Variants in AKAP8 observed in about 807,000 individuals in gnomAD.
AKAP8 encodes the protein A-kinase anchor protein 8.
A neutral mutation model predicts 67.5 loss-of-function variants in AKAP8; 24 were observed. The ratio of observed to expected loss-of-function variants is 0.36; its 90% CI spans 0.26 to 0.50. The LOEUF is 0.50. AKAP8 is among the 20% of genes least tolerant of loss of function. The pLI, the probability that AKAP8 is intolerant of heterozygous loss-of-function variation, is 0.97. For missense variants in AKAP8, 971 were observed against 955.9 expected, an observed-to-expected ratio of 1.02 and a Z score of -0.21; for synonymous variants, 400 against 371.1, an observed-to-expected ratio of 1.08 and a Z score of -0.90.
chr19:15,370,430 C>T (rs975223145), intron 7 of AKAP8, among the ~76,000 whole-genome samples: 4 of 152,116 alleles, frequency 2.6e-5, no homozygotes, highest in Non-Finnish European at 5.9e-5. Flanking sequence ...CATTCACCCA[C>T]CCTCTCTCGG....
rs530106671 is a variant in AKAP8 at position 15,356,108 on chromosome 19, A to G, written c.1624-738T>C. On this transcript the variant is annotated intron_variant, in intron 13 of 13. Transcript: ENST00000269701. ...CAGCCTTAACTTGATGTTTTTTAAA[A>G]AAGGGCATGAGGCCGGGCGTGATGG... 8.5e-5 allele frequency among the ~76,000 whole-genome samples: 13 copies of G among 152,120 alleles called. No homozygotes were observed. In the South Asian group the frequency reaches 2.5e-3, roughly 29 times the overall value.
At chr19:15,377,062 A>G (rs1412768212) in intron 1 of AKAP8, 48 bp from the exon 2 acceptor site, 2 of 1,597,762 alleles carry the variant, frequency 1.3e-6, no homozygotes, top group Non-Finnish European at 1.7e-6. Flanking sequence ...ACACCAGAGA[A>G]CGGGTCCTTT....
chr19:15,357,328 C>G (rs1205409539), intron 13 of AKAP8, among the ~76,000 whole-genome samples: 1 of 140,920 alleles, frequency 7.1e-6, no homozygotes, highest in Non-Finnish European at 1.5e-5. Context: ...ACTCAGGAGG[C>G]TGAGGCAGGA....
At chr19:15,366,868 CAA>C (rs1967079239) in intron 9 of AKAP8, among the ~76,000 whole-genome samples, 1 of 151,968 alleles carries the variant, frequency 6.6e-6, no homozygotes, top group Non-Finnish European at 1.5e-5. Context: ...CTTGGCCTCC[CAA>C]AGTGGTGGGA....
chr19:15,365,714 C>T (rs1216915935), intron 9 of AKAP8, among the ~76,000 whole-genome samples: 1 of 152,154 alleles, frequency 6.6e-6, no homozygotes, highest in Non-Finnish European at 1.5e-5. Flanking sequence ...GAGAATTCCT[C>T]CAAGTCCCTT....
chr19:15,367,751 T>C (rs556135570), intron 9 of AKAP8, among the ~76,000 whole-genome samples: 2 of 152,324 alleles, frequency 1.3e-5, no homozygotes, highest in East Asian at 3.9e-4. Context: ...TAGGATCATC[T>C]CTCTACCTGT....
chr19:15,355,506 C>G, intron 13 of AKAP8, 136 bp from the exon 14 acceptor site: 2 of 826,966 alleles, frequency 2.4e-6, no homozygotes, highest in Non-Finnish European at 3.7e-6. Flanking sequence ...GGAGTGAATC[C>G]TACATGTTCT....
At chr19:15,368,183 CTCCACCGCACGAG>C in intron 9 of AKAP8, 39 bp downstream of exon 9, 2 of 1,602,586 alleles carry the variant, frequency 1.2e-6, no homozygotes, top group Non-Finnish European at 1.7e-6. Context: ...TCGGCAGCGC[CTCCACCGCACGAG>C]TCCACCTCCT....
chr19:15,373,575 G>A (rs1967199784), intron 4 of AKAP8: 3 of 904,668 alleles, frequency 3.3e-6, no homozygotes, highest in Admixed American at 5.9e-5. Context: ...GTCTCGGGGA[G>A]CTTAGCCAAC....
rs1023236648 is a variant in AKAP8 at position 15,372,738 on chromosome 19, G to A, written c.861+113C>T. The A allele has an allele frequency of 1.3e-4, 176 of 1,341,950 alleles. 1 individual carries two copies. The Middle Eastern group carries it at 1.5e-3, about 11-fold the overall frequency. The allele number at this position is 1,341,950 out of a possible 1,614,324, so 83.1% of individuals were successfully genotyped here. ...CAATCCTGTAAATTAACTAAAAGTC[G>A]AACTGCGCACTTAAAAACATTTAAG... is the stretch of plus-strand genomic sequence containing the variant. On this transcript the variant is annotated intron_variant, in intron 5 of 13. Coordinates refer to ENST00000269701, the MANE Select transcript of AKAP8 (RefSeq NM_005858.4).
At chr19:15,379,000 A>C (rs1234165912) in intron 1 of AKAP8, 1 of 153,012 alleles carries the variant, frequency 6.5e-6, no homozygotes, top group Admixed American at 6.5e-5. Context: ...CCAGCTTTAT[A>C]CGAACACTCA....
intron 8 of AKAP8, 48 bp from the exon 9 acceptor site, chr19:15,368,370 A>G (rs751166114): frequency 9.9e-6 from 16 of 1,611,590 alleles, no homozygotes; most frequent in Non-Finnish European, 1.3e-5. Flanking sequence ...CCTGCAAAGG[A>G]GCTGAGCTCC....
chr19:15,370,268 G>A, intron 7 of AKAP8, 89 bp from the exon 8 acceptor site: 1 of 1,488,100 alleles, frequency 6.7e-7, no homozygotes, highest in South Asian at 1.1e-5. Context: ...TGCCTGGTGG[G>A]CAGTCTCACC....
In AKAP8 at chr19:15,370,299, C is replaced by T. The variant is rs1599567575; in HGVS notation, c.1039-120G>A. 18 of 1,143,368 alleles carry T rather than the reference C, an allele frequency of 1.6e-5. No homozygotes were observed. In the East Asian group the frequency reaches 4.1e-4, roughly 26 times the overall value. 70.8% of individuals were successfully genotyped at this position (1,143,368 alleles called of 1,614,324 possible). ...TCACCCAAGACCTAGGTTGCTATGC[C>T]ACCAAGAATGAGCCACAGTGTGTTA... On this transcript the variant is annotated intron_variant, in intron 7 of 13. Transcript: ENST00000269701.
rs375676951 is a variant in AKAP8 at position 15,371,972 on chromosome 19, C to T, written c.1018G>A (p.Gly340Arg). ...CTTACACCCTTGAATTCTTCATCTC[C>T]TGAGCGGAAGTCACCAGCTGCGTCA... ...NDDAAGDFRS[G>R]DEEFKGEDEL... The change falls in exon 7 of 14, where the codon GGA becomes AGA. Residue 340 changes from glycine to arginine, a missense_variant. Around this residue, in one of 3 missense-constraint regions of AKAP8, gnomAD observed 763 missense variants for 745.4 expected, o/e 1.02. Coordinates refer to ENST00000269701, the MANE Select transcript of AKAP8 (RefSeq NM_005858.4). 2 of 1,614,042 alleles carry T rather than the reference C, an allele frequency of 1.2e-6. No homozygotes were observed. The highest frequency in any genetic ancestry group is 2.7e-5 in the African/African-American group (2 of 74,926).
Position 15,369,020 on chromosome 19 carries a change from C to T in AKAP8, c.1073-698G>A, listed in dbSNP as rs1448808403. ...CATCATCCCAGCATGAGGCCAGGGACGGACGCTGAAAAAAGGTTGGAGAAG... is the reference window on the plus strand; with the variant it reads ...CATCATCCCAGCATGAGGCCAGGGATGGACGCTGAAAAAAGGTTGGAGAAG... On this transcript the variant is annotated intron_variant, in intron 8 of 13. Transcript: ENST00000269701. The surrounding 1 kb of genome is among the most constrained non-coding windows in gnomAD (Gnocchi z 4.6). 25 of 985,692 alleles carry T rather than the reference C, an allele frequency of 2.5e-5. No homozygotes were observed. The East Asian group carries it at 1.4e-3, about 54-fold the overall frequency. The allele number at this position is 985,692 out of a possible 1,614,324, so 61.1% of individuals were successfully genotyped here.
chr19:15,377,228 G>C (rs1051252525), intron 1 of AKAP8, among the ~76,000 whole-genome samples: 1 of 152,120 alleles, frequency 6.6e-6, no homozygotes, highest in Non-Finnish European at 1.5e-5. Context: ...AAGAAGGGTG[G>C]GAAGTGGGCT....
In AKAP8 at chr19:15,373,013, C is replaced by A. The variant is rs1223516160; in HGVS notation, c.699G>T (p.Arg233=). The stretch of plus-strand genomic sequence containing the variant: ...GGCTGGGGGAGGGCCCTCCCAGGCC[C>A]CGTCCACCCACGTAGTTCAGCTCGT... The part of the protein sequence containing the change: ...PWNELNYVGG[R]GLGGPSPSRP... Residue 233 remains arginine, a synonymous_variant, in exon 5 of 14, where the codon CGG becomes CGT. Coordinates refer to ENST00000269701, the MANE Select transcript of AKAP8 (RefSeq NM_005858.4). The A allele has an allele frequency of 1.9e-6, 3 of 1,575,526 alleles. No homozygotes were observed. Among genetic ancestry groups the A allele is most frequent in the Middle Eastern group, 1.7e-4 (1 of 5,898 alleles).
Position 15,376,961 on chromosome 19 carries a change from G to T in AKAP8, c.58+15C>A, listed in dbSNP as rs200183501. On this transcript the variant is annotated intron_variant, in intron 2 of 13. Transcript: ENST00000269701. Reference sequence around the variant, plus strand: ...GGGAAGCCCACGCCTCACCCGCAAAGCAGAGCCCACTTACCCTGGGTGTTG... The same window carrying T: ...GGGAAGCCCACGCCTCACCCGCAAATCAGAGCCCACTTACCCTGGGTGTTG... 2 of 1,611,204 alleles carry T rather than the reference G, an allele frequency of 1.2e-6. No homozygotes were observed. Among genetic ancestry groups the T allele is most frequent in the African/African-American group, 2.7e-5 (2 of 74,920 alleles).
Sources: gnomAD v4.1 joint callset for allele counts (sites outside exome capture counted in the v4.1 genomes callset) on GRCh38, gnomAD v4.1.1 for gene constraint, gnomAD v4.1.1 regional missense constraint, Gnocchi (gnomAD v3.1) non-coding constraint, MANE v1.5 for transcripts, NCBI Gene and HGNC (gene_info 2026-07-23, HGNC 2026-07-21) for gene names.